The following PINK1 variants were observed in gnomAD, a reference collection of about 807,000 sequenced individuals.
PINK1 encodes PTEN induced kinase 1, also known as serine/threonine-protein kinase PINK1, mitochondrial.
Under a neutral mutation model 56.0 loss-of-function variants are expected in PINK1, and 58 were observed. That is an observed-to-expected ratio of 1.04 (90% CI 0.84 to 1.29). The LOEUF (loss-of-function observed/expected upper bound fraction) is 1.29, where lower values mean the gene tolerates loss of function less well. PINK1 is among the 50% of genes most tolerant of loss of function. The probability of loss-of-function intolerance (pLI) is 0.00; values close to 1 mark genes in which losing one functional copy is unlikely to be tolerated. For synonymous variants in PINK1, 354 were observed against 339.3 expected, an observed-to-expected ratio of 1.04 and a Z score of -0.48; for missense variants, 745 against 777.9, an observed-to-expected ratio of 0.96 and a Z score of 0.50.
At position 20,639,955 on chromosome 1, in the gene PINK1, G is replaced by A. The variant is rs559412676; in HGVS notation, c.739G>A (p.Val247Met). The change falls in exon 3 of 8, where the codon GTG becomes ATG. Residue 247 changes from valine to methionine, a missense_variant. Transcript: ENST00000321556. ...CCAGGAGCTGGTCCCAGCGAGCCGA[G>A]TGGCCTTGGCTGGGGAGTATGGAGC... ...MSQELVPASR[V>M]ALAGEYGAVT... is the part of the protein sequence containing the mutation. The A allele has an allele frequency of 5.0e-5, 81 of 1,612,690 alleles. No homozygotes were observed. The South Asian group carries it at 8.8e-4, about 18-fold the overall frequency.
intron 4 of PINK1, among the ~76,000 whole-genome samples, chr1:20,645,211 G>A (rs1341493014): frequency 4.6e-5 from 7 of 152,286 alleles, no homozygotes; most frequent in South Asian, 4.2e-4. Context: ...TTAGGAGGCC[G>A]GGAATGGTGG....
intron 2 of PINK1, chr1:20,639,642 A>G (rs973194725): frequency 3.7e-5 from 21 of 567,200 alleles, no homozygotes; most frequent in African/African-American, 7.5e-5. Context: ...CATCTCCTCC[A>G]GCCCTGGCAT....
chr1:20,646,520 TG>T (rs1240356449), intron 5 of PINK1, among the ~76,000 whole-genome samples: 2 of 152,156 alleles, frequency 1.3e-5, no homozygotes, highest in Non-Finnish European at 2.9e-5. Flanking sequence ...GGCGGGCGCC[TG>T]TAATCTCAGC....
rs764454206 is a variant in PINK1, at chr1:20,650,505, G to A, written c.1560G>A (p.Lys520=). The change falls in exon 8 of 8, where the codon AAG becomes AAA. Residue 520 remains lysine, a synonymous_variant. Coordinates refer to ENST00000321556, the MANE Select transcript of PINK1 (RefSeq NM_032409.3). Reference sequence around the variant, plus strand: ...GGGGTGAACATATTCTAGCCCTGAAGAATCTGAAGTTAGACAAGATGGTTG... The same window carrying A: ...GGGGTGAACATATTCTAGCCCTGAAAAATCTGAAGTTAGACAAGATGGTTG... ...SLWGEHILAL[K]NLKLDKMVGW... 13 of 1,614,118 alleles carry A rather than the reference G, an allele frequency of 8.1e-6. No individual in the cohort carries two copies. The highest frequency in any genetic ancestry group is 1.6e-4 in the Middle Eastern group (1 of 6,082).
chr1:20,645,165 A>G (rs1016603304), intron 4 of PINK1, among the ~76,000 whole-genome samples: 1 of 152,182 alleles, frequency 6.6e-6, no homozygotes, highest in Non-Finnish European at 1.5e-5. Context: ...TGGAAGGGGA[A>G]GAGGAACGGC....
chr1:20,646,870 A>C (rs2053188472), intron 5 of PINK1, among the ~76,000 whole-genome samples: 1 of 136,886 alleles, frequency 7.3e-6, no homozygotes, highest in African/African-American at 2.7e-5. Flanking sequence ...TTCTTTATTT[A>C]TTTACTTATT....
intron 5 of PINK1, among the ~76,000 whole-genome samples, chr1:20,646,862 CTTTA>C (rs71010588): frequency 0.57 from 81,371 of 143,166 alleles, 22,424 homozygotes; most frequent in Middle Eastern, 0.71. Context: ...TTTATTATTT[CTTTA>C]TTTATTTACT....
In PINK1 at chr1:20,650,476, C is replaced by T. The variant is rs1282435860; in HGVS notation, c.1531C>T (p.Leu511Phe). The T allele has an allele frequency of 4.3e-6, 7 of 1,613,992 alleles. No homozygotes were observed. The highest frequency in any genetic ancestry group is 5.1e-6 in the Non-Finnish European group (6 of 1,179,978). The change falls in exon 8 of 8, where the codon CTC becomes TTC. Residue 511 changes from leucine to phenylalanine, a missense_variant. Leu to Phe is a conservative substitution (Grantham distance 22, BLOSUM62 0). Transcript: ENST00000321556. ...AGCCGCAAATGTGCTTCATCTAAGC[C>T]TCTGGGGTGAACATATTCTAGCCCT... ...RVAANVLHLS[L>F]WGEHILALKN...
At position 20,639,982 on chromosome 1, in the gene PINK1, G is replaced by A. The variant is rs1222822124; in HGVS notation, c.766G>A (p.Val256Ile). The change falls in exon 3 of 8, where the codon GTC becomes ATC. Residue 256 changes from valine (V) to isoleucine (I), a missense_variant. Val to Ile is a conservative substitution (Grantham distance 29, BLOSUM62 3). Transcript: ENST00000321556. Reference protein sequence around the residue: ...RVALAGEYGAVTYRKSKRGPK... With the variant: ...RVALAGEYGAITYRKSKRGPK... ...GGCCTTGGCTGGGGAGTATGGAGCAGTCACTTACAGGTAAGTGCCCTCTGC... is the reference window on the plus strand; with the variant it reads ...GGCCTTGGCTGGGGAGTATGGAGCAATCACTTACAGGTAAGTGCCCTCTGC... 2 of 1,606,918 alleles carry A rather than the reference G, an allele frequency of 1.2e-6. No individual in the cohort carries two copies. The highest frequency in any genetic ancestry group is 2.2e-5 in the East Asian group (1 of 44,560).
At chr1:20,647,866 G>C (rs1489532738) in intron 5 of PINK1, among the ~76,000 whole-genome samples, 2 of 151,936 alleles carry the variant, frequency 1.3e-5, no homozygotes, top group African/African-American at 2.4e-5. Context: ...GTGTTGCTCA[G>C]GCTGAAGTGA....
rs1367681921 is a variant in PINK1 at position 20,633,710 on chromosome 1, G to A, written c.162G>A (p.Ala54=). ...ERPGWAAGPG[A]EPRRVGLGLP... ...CAGGCTGGGCCGCAGGACCGGGCGC[G>A]GAGCCTCGCAGGGTCGGGCTCGGGC... Residue 54 remains alanine, a synonymous_variant, in exon 1 of 8, where the codon GCG becomes GCA. Transcript: ENST00000321556. 4 of 1,518,954 alleles carry A rather than the reference G, an allele frequency of 2.6e-6. No individual in the cohort carries two copies. In the Admixed American group the frequency reaches 6.0e-5, roughly 23 times the overall value. 94.1% of individuals were successfully genotyped at this position (1,518,954 alleles called of 1,614,324 possible).
Position 20,647,466 on chromosome 1 carries a change from C to CTTTTTT in PINK1, c.1124-1022_1124-1017dup, listed in dbSNP as rs34054663. ...GCCACCACGCCCAGCTGGGAGTTGG[C>CTTTTTT]TTTTTTTTTTTTTTTTTTTTTTGAG... On this transcript the variant is annotated intron_variant, in intron 5 of 7. Transcript: ENST00000321556. 1.6e-4 allele frequency among the ~76,000 whole-genome samples: 12 copies of CTTTTTT among 73,196 alleles called. 1 individual carries two copies. The highest frequency in any genetic ancestry group is 4.2e-4 in the Admixed American group (2 of 4,818). 48.0% of individuals were successfully genotyped at this position (73,196 alleles called of 152,430 possible). A position where few individuals can be genotyped will look rare whatever the true frequency, so the allele number is the denominator to read the frequency against.
At chr1:20,638,325 G>C (rs1406102578) in intron 2 of PINK1, 196 bp downstream of exon 2, 3 of 669,696 alleles carry the variant, frequency 4.5e-6, no homozygotes, top group East Asian at 2.8e-5. Flanking sequence ...TCTGCCCACA[G>C]ATCACCCAGA....
intron 3 of PINK1, among the ~76,000 whole-genome samples, chr1:20,640,723 G>A (rs1362245949): frequency 6.6e-6 from 1 of 152,174 alleles, no homozygotes; most frequent in East Asian, 1.9e-4. Context: ...TGACGCGCAG[G>A]CTATGACAGA....
chr1:20,634,568 T>TTAGGGTTCTCCAAATGGAATCAA lies in PINK1; in HGVS notation c.387+638_387+660dup, dbSNP rs373070772. 2.3e-3 allele frequency among the ~76,000 whole-genome samples: 343 copies of TTAGGGTTCTCCAAATGGAATCAA among 152,322 alleles called. 2 individuals carry two copies. Among genetic ancestry groups the TTAGGGTTCTCCAAATGGAATCAA allele is most frequent in the African/African-American group, 7.8e-3 (323 of 41,562 alleles). ...TCTTTTTGCCCAACCAAAGTCTGTA[T>TTAGGGTTCTCCAAATGGAATCAA]TAGGGTTCTCCAAATGGAATCAATA... On this transcript the variant is annotated intron_variant, in intron 1 of 7. Coordinates refer to ENST00000321556, the MANE Select transcript of PINK1 (RefSeq NM_032409.3).
chr1:20,646,665 A>T (rs1410598677), intron 5 of PINK1, among the ~76,000 whole-genome samples: 1 of 151,940 alleles, frequency 6.6e-6, no homozygotes, highest in African/African-American at 2.4e-5. Flanking sequence ...TTAATTAATT[A>T]AATTTTTCAA....
At position 20,633,950 on chromosome 1, in the gene PINK1, G is replaced by GTCC. The variant is rs1393625001; in HGVS notation, c.387+17_387+19dup. 6.3e-7 allele frequency: 1 copy of GTCC among 1,577,932 alleles called. No homozygotes were observed. The highest frequency in any genetic ancestry group is 1.8e-5 in the Admixed American group (1 of 55,938). ...AGGAGATCCAGGTGAGCGGGGCCGG[G>GTCC]TCCTAAGCCGAGCGGAGGACGGAGC... On this transcript the variant is annotated intron_variant, in intron 1 of 7. Transcript: ENST00000321556.
chr1:20,648,237 G>A (rs1384076064), intron 5 of PINK1: 3 of 501,592 alleles, frequency 6.0e-6, no homozygotes, highest in African/African-American at 5.8e-5. Flanking sequence ...TGGTCTTGGG[G>A]ACAGCTCCAA....
At chr1:20,634,294 A>G (rs561796657) in intron 1 of PINK1, among the ~76,000 whole-genome samples, 9 of 152,212 alleles carry the variant, frequency 5.9e-5, no homozygotes, top group Non-Finnish European at 8.8e-5. Flanking sequence ...GGAGAAGGAA[A>G]GTCCTCAGGT....
Sources: allele counts gnomAD v4.1 joint callset (sites outside exome capture counted in the v4.1 genomes callset), GRCh38; gene constraint gnomAD v4.1.1; transcripts MANE v1.5; gene names NCBI Gene and HGNC (gene_info 2026-07-23, HGNC 2026-07-21).